Variants in CSPP1 observed in about 807,000 individuals in gnomAD.
CSPP1 encodes centrosome and spindle pole-associated protein 1.
Under a neutral mutation model 164.4 loss-of-function variants are expected in CSPP1, and 126 were observed. The ratio of observed to expected loss-of-function variants is 0.77; its 90% CI spans 0.66 to 0.89. The LOEUF (loss-of-function observed/expected upper bound fraction) is 0.89. Among genes scored for constraint, CSPP1 ranks in the 40% least tolerant of loss-of-function variants. The pLI, the probability that CSPP1 is intolerant of heterozygous loss-of-function variation, is 0.00. For synonymous variants in CSPP1, 472 were observed against 476.7 expected (o/e 0.99, Z 0.13); for missense variants, 1,395 against 1,449.8 (o/e 0.96, Z 0.61).
In CSPP1 at chr8:67,158,563, G is replaced by C. The variant is rs778138907; in HGVS notation, c.2358G>C (p.Glu786Asp). 6.2e-7 allele frequency: 1 copy of C among 1,608,098 alleles called. No homozygotes were observed. Among genetic ancestry groups the C allele is most frequent in the Non-Finnish European group, 8.5e-7 (1 of 1,176,994 alleles). Residue 786 changes from glutamate to aspartate, a missense_variant, in exon 20 of 31, where the codon GAG (glutamate) becomes GAC (aspartate). Transcript: ENST00000678616. ...QRARIQQEYEEEQEKKREKEE... is the reference protein window; with the variant it reads ...QRARIQQEYEDEQEKKREKEE... ...CACGAATTCAGCAGGAGTATGAAGA[G>C]GAACAGGAAAAGAAAAGAGAGAAAG...
In CSPP1 at chr8:67,195,560, C is replaced by A; in HGVS notation, c.3648C>A (p.Phe1216Leu). The change falls in exon 31 of 31, where the codon TTC (phenylalanine) becomes TTA (leucine). Residue 1216 changes from phenylalanine to leucine, a missense_variant. Coordinates refer to ENST00000678616, the MANE Select transcript of CSPP1 (RefSeq NM_001382391.1). ...QQQIPGKPGT[F>L]TWQGLSTAHG Reference sequence around the variant, plus strand: ...AGATTCCTGGAAAACCAGGCACTTTCACTTGGCAGGGCCTGTCGACTGCAC... The same window carrying A: ...AGATTCCTGGAAAACCAGGCACTTTAACTTGGCAGGGCCTGTCGACTGCAC... 6.2e-7 allele frequency: 1 copy of A among 1,614,208 alleles called. No individual in the cohort carries two copies. Among genetic ancestry groups the A allele is most frequent in the Non-Finnish European group, 8.5e-7 (1 of 1,180,042 alleles).
chr8:67,111,537 C>A (rs1485209476), intron 9 of CSPP1, among the ~76,000 whole-genome samples: 1 of 152,054 alleles, frequency 6.6e-6, no homozygotes, highest in Non-Finnish European at 1.5e-5. Flanking sequence ...ACAAGCAGTC[C>A]AAGTTATAGT....
intron 28 of CSPP1, 131 bp from the exon 29 acceptor site, chr8:67,190,519 G>A (rs1241623140): frequency 1.5e-6 from 1 of 673,362 alleles, no homozygotes; most frequent in Non-Finnish European, 2.7e-6. Context: ...ACCGAACTGT[G>A]TATGTACATA....
intron 28 of CSPP1, among the ~76,000 whole-genome samples, chr8:67,187,259 C>G (rs1400593812): frequency 6.6e-6 from 1 of 152,102 alleles, no homozygotes; most frequent in Non-Finnish European, 1.5e-5. Flanking sequence ...CCAGAATAGC[C>G]AGCACAATGT....
At chr8:67,154,235 A>G in intron 19 of CSPP1, 99 bp downstream of exon 19, 1 of 637,954 alleles carries the variant, frequency 1.6e-6, no homozygotes, top group East Asian at 2.8e-5. Context: ...CTAAAATGCC[A>G]TACTGTTATC....
Position 67,158,534 on chromosome 8 carries a change from A to C in CSPP1, c.2329A>C (p.Arg777=), listed in dbSNP as rs758218835. The C allele has an allele frequency of 3.8e-5, 61 of 1,612,470 alleles. No individual in the cohort carries two copies. Among genetic ancestry groups the C allele is most frequent in the Non-Finnish European group, 5.1e-5 (60 of 1,179,006 alleles). Residue 777 remains arginine, a synonymous_variant, in exon 20 of 31, where the codon AGG becomes CGG. Coordinates refer to ENST00000678616, the MANE Select transcript of CSPP1 (RefSeq NM_001382391.1). ...AGAAGAAAGACGGCTTGCAGAACAG[A>C]GGGCACGAATTCAGCAGGAGTATGA... is the stretch of plus-strand genomic sequence containing the variant. ...EKEERRLAEQ[R]ARIQQEYEEE...
chr8:67,193,699 A>G, intron 30 of CSPP1, 97 bp downstream of exon 30: 1 of 1,113,726 alleles, frequency 9.0e-7, no homozygotes, highest in Non-Finnish European at 1.3e-6. Flanking sequence ...GATAGATGGA[A>G]TGAGTTTGAA....
chr8:67,100,578 A>G (rs1813842985), intron 7 of CSPP1, among the ~76,000 whole-genome samples: 1 of 151,218 alleles, frequency 6.6e-6, no homozygotes, highest in South Asian at 2.1e-4. Flanking sequence ...ATTTCTATTT[A>G]ATTTTTTTCT....
intron 7 of CSPP1, among the ~76,000 whole-genome samples, chr8:67,099,959 T>C (rs1281876695): frequency 1.3e-5 from 2 of 152,150 alleles, no homozygotes; most frequent in African/African-American, 4.8e-5. Context: ...TTGTAAACAG[T>C]AATTCTTCCT....
chr8:67,079,504 A>T (rs1808700858), intron 3 of CSPP1, among the ~76,000 whole-genome samples: 1 of 152,056 alleles, frequency 6.6e-6, no homozygotes, highest in Admixed American at 6.6e-5. Context: ...TTCTTTTATG[A>T]GGCCTCTGTT....
intron 8 of CSPP1, 67 bp downstream of exon 8, chr8:67,103,202 G>A (rs1389611081): frequency 5.6e-6 from 5 of 898,648 alleles, no homozygotes; most frequent in East Asian, 2.6e-5. Context: ...GCCTAAAACT[G>A]GCTAACTGAA....
chr8:67,107,006 A>G (rs1020097895), intron 9 of CSPP1, among the ~76,000 whole-genome samples: 3 of 150,018 alleles, frequency 2.0e-5, no homozygotes, highest in Admixed American at 1.3e-4. Context: ...TTTTGTTTTT[A>G]TTTATTTATT....
chr8:67,098,132 A>T (rs1224307824), intron 7 of CSPP1, among the ~76,000 whole-genome samples: 1 of 151,286 alleles, frequency 6.6e-6, no homozygotes, highest in South Asian at 2.1e-4. Context: ...GAAAATTTTG[A>T]GACTAAAGAA....
intron 2 of CSPP1, 80 bp from the exon 3 acceptor site, chr8:67,076,402 T>G: frequency 1.4e-6 from 1 of 697,494 alleles, no homozygotes; most frequent in Non-Finnish European, 2.3e-6. Context: ...ATCAAGCTGT[T>G]TAATTAAAAT....
At chr8:67,132,376 C>G (rs757479621) in intron 16 of CSPP1, among the ~76,000 whole-genome samples, 3 of 152,008 alleles carry the variant, frequency 2.0e-5, no homozygotes, top group South Asian at 4.2e-4. Flanking sequence ...GAAGAAGGGG[C>G]TGGAGAGTTA....
At chr8:67,107,983 G>GTTTTTTTTTTTTTTTTTTTTT (rs34204898) in intron 9 of CSPP1, among the ~76,000 whole-genome samples, 3 of 127,138 alleles carry the variant, frequency 2.4e-5, no homozygotes, top group African/African-American at 9.0e-5. Context: ...CTTTGACAAA[G>GTTTTTTTTTTTTTTTTTTTTT]TTTTTTTTTT....
At position 67,158,458 on chromosome 8, in the gene CSPP1, GA is replaced by G. The variant is rs1186394632; in HGVS notation, c.2256del (p.Lys752AsnfsTer11). 6.3e-7 allele frequency: 1 copy of G among 1,597,618 alleles called. No individual in the cohort carries two copies. The highest frequency in any genetic ancestry group is 8.5e-7 in the Non-Finnish European group (1 of 1,173,756). ...NFLRFQIEEK[K>X]QREEAERERL... ...GTTTAATTCTTTAGATTGAGGAAAA[GA>G]AACAAAGAGAGGAAGCAGAGCGAGA... On this transcript the variant is annotated frameshift_variant, in exon 20 of 31. Coordinates refer to ENST00000678616, the MANE Select transcript of CSPP1 (RefSeq NM_001382391.1). LOFTEE classifies it high-confidence loss of function.
At chr8:67,141,790 C>T (rs945073680) in intron 17 of CSPP1, among the ~76,000 whole-genome samples, 1 of 152,224 alleles carries the variant, frequency 6.6e-6, no homozygotes, top group Non-Finnish European at 1.5e-5. Context: ...GCTAGGATTA[C>T]AGACATGAGC....
At position 67,092,590 on chromosome 8, in the gene CSPP1, C is replaced by G. The variant is rs538374374; in HGVS notation, c.384+707C>G. Among the ~76,000 whole-genome samples the G allele has an allele frequency of 1.4e-3, 207 of 152,008 alleles. 2 individuals are homozygous for G. The highest frequency in any genetic ancestry group is 2.3e-3 in the Non-Finnish European group (156 of 67,988). ...GTAGCTGGAGGCAGGATTACAGGCC[C>G]CTGCCACCAAGCCCCGCTAATTTTT... On this transcript the variant is annotated intron_variant, in intron 5 of 30. Coordinates refer to ENST00000678616, the MANE Select transcript of CSPP1 (RefSeq NM_001382391.1).
Sources: allele counts gnomAD v4.1 joint callset (sites outside exome capture counted in the v4.1 genomes callset), GRCh38; gene constraint gnomAD v4.1.1; transcripts MANE v1.5; gene names NCBI Gene and HGNC (gene_info 2026-07-23, HGNC 2026-07-21).